The following ERCC4 variants were observed in gnomAD, a reference collection of about 807,000 sequenced individuals.
The protein encoded by ERCC4 is ERCC excision repair 4, endonuclease catalytic subunit, also known as DNA repair endonuclease XPF.
Under a neutral mutation model 76.9 loss-of-function variants are expected in ERCC4, and 65 were observed. The observed-to-expected ratio is 0.84, with a 90% CI of 0.69 to 1.04. The LOEUF is 1.04. ERCC4 is among the 50% of genes least tolerant of loss of function. The pLI, the probability that ERCC4 is intolerant of heterozygous loss-of-function variation, is 0.00. For synonymous variants in ERCC4, 463 were observed against 410.1 expected (o/e 1.13, Z -1.56); for missense variants, 1,214 against 1,128.2 (o/e 1.08, Z -1.09).
At position 13,935,495 on chromosome 16, in the gene ERCC4, C is replaced by G. The variant is rs41552412; in HGVS notation, c.1563C>G (p.Ser521Arg). The G allele has an allele frequency of 1.2e-3, 2,006 of 1,614,058 alleles. 4 individuals carry two copies. The highest frequency in any genetic ancestry group is 3.0e-3 in the Admixed American group (179 of 60,014). Residue 521 changes from serine (S) to arginine (R), a missense_variant, in exon 8 of 11, where the codon AGC becomes AGG. Ser to Arg is a moderately radical substitution (Grantham distance 110). Coordinates refer to ENST00000311895, the MANE Select transcript of ERCC4 (RefSeq NM_005236.3). ...GATATCGTCGAGAAATAAGCAGTAG[C>G]CCAGAAAGCTGCCCGGAAGAAATTA... ...EEGYRREISSSPESCPEEIKH... is the reference protein window; with the variant it reads ...EEGYRREISSRPESCPEEIKH...
chr16:13,947,617 G>T lies in ERCC4; in HGVS notation c.2021G>T (p.Gly674Val). 1 of 1,614,098 alleles carries T rather than the reference G, an allele frequency of 6.2e-7. No individual in the cohort carries two copies. Among genetic ancestry groups the T allele is most frequent in the East Asian group, 2.2e-5 (1 of 44,884 alleles). ...ATTACTTACTTTTTCTCTGTAGGTG[G>T]CCAGGAACAGAATGGTACACAGCAA... Reference protein sequence around the residue: ...DVSTDTRKAGGQEQNGTQQSI... With the variant: ...DVSTDTRKAGVQEQNGTQQSI... The change falls in exon 11 of 11, where the codon GGC (glycine) becomes GTC (valine). Residue 674 changes from glycine (G) to valine (V), a missense_variant. Physicochemically the swap from Gly to Val is moderately radical, Grantham distance 109. Coordinates refer to ENST00000311895, the MANE Select transcript of ERCC4 (RefSeq NM_005236.3).
At chr16:13,936,085 T>A (rs1385706367) in intron 8 of ERCC4, among the ~76,000 whole-genome samples, 1 of 152,194 alleles carries the variant, frequency 6.6e-6, no homozygotes. Flanking sequence ...TTAATATAAC[T>A]GTGACTCGGC....
intron 3 of ERCC4, among the ~76,000 whole-genome samples, chr16:13,927,248 T>C (rs1463478201): frequency 6.6e-6 from 1 of 152,250 alleles, no homozygotes; most frequent in Admixed American, 6.5e-5. Flanking sequence ...ATTTTGGTTA[T>C]AATATATGTT....
rs1258096180 is a variant in ERCC4, at chr16:13,935,330, CA to C, written c.1402del (p.Arg468AspfsTer25). On this transcript the variant is annotated frameshift_variant, in exon 8 of 11. Transcript: ENST00000311895. LOFTEE classifies it high-confidence loss of function. The stretch of plus-strand genomic sequence containing the variant: ...GTTCAAAGAGAATTAGGAAATCTCA[CA>C]AAAGACCTAAAGACCCCCAAAACAA... ...DSSKRIRKSH[K>X]RPKDPQNKER... The C allele has an allele frequency of 6.2e-7, 1 of 1,613,298 alleles. No individual in the cohort carries two copies. Among genetic ancestry groups the C allele is most frequent in the African/African-American group, 1.3e-5 (1 of 74,768 alleles).
intron 1 of ERCC4, among the ~76,000 whole-genome samples, chr16:13,920,855 C>G (rs1301973341): frequency 6.6e-6 from 1 of 151,208 alleles, no homozygotes; most frequent in East Asian, 2.0e-4. Context: ...GAAGGGGTCC[C>G]GAGAAGGATG....
At chr16:13,941,435 C>T (rs1477181077) in intron 9 of ERCC4, among the ~76,000 whole-genome samples, 2 of 152,038 alleles carry the variant, frequency 1.3e-5, no homozygotes, top group Non-Finnish European at 2.9e-5. Context: ...GTGCATTGTT[C>T]AAAAAACATT....
At position 13,928,197 on chromosome 16, in the gene ERCC4, T is replaced by A. The variant is rs760444530; in HGVS notation, c.754T>A (p.Leu252Ile). Residue 252 changes from leucine to isoleucine, a missense_variant, in exon 4 of 11, where the codon TTA (leucine) becomes ATA (isoleucine). Physicochemically the swap from Leu to Ile is conservative, Grantham distance 5. Transcript: ENST00000311895. ...TAACCCATCGCTTGAAGTGGAAGAT[T>A]TATCTTTAGAAAATGCTATTGGAAA... ...CHNPSLEVED[L>I]SLENAIGKPF... The A allele has an allele frequency of 6.2e-7, 1 of 1,613,692 alleles. No individual in the cohort carries two copies. The highest frequency in any genetic ancestry group is 8.5e-7 in the Non-Finnish European group (1 of 1,179,770).
At position 13,930,860 on chromosome 16, in the gene ERCC4, G is replaced by A. The variant is rs762885572; in HGVS notation, c.943G>A (p.Ala315Thr). ...TFLNLLESLR[A>T]TEKAFGQNSG... ...TCTTAATCTTCTGGAATCTCTGAGAGCAACGGAAAAAGCTTTTGGTCAGAA... is the reference window on the plus strand; with the variant it reads ...TCTTAATCTTCTGGAATCTCTGAGAACAACGGAAAAAGCTTTTGGTCAGAA... Residue 315 changes from alanine (A) to threonine (T), a missense_variant, in exon 5 of 11, where the codon GCA becomes ACA. Coordinates refer to ENST00000311895, the MANE Select transcript of ERCC4 (RefSeq NM_005236.3). 1 of 1,613,428 alleles carries A rather than the reference G, an allele frequency of 6.2e-7. No individual in the cohort carries two copies. The highest frequency in any genetic ancestry group is 8.5e-7 in the Non-Finnish European group (1 of 1,179,422).
At chr16:13,947,339 G>A (rs1417269584) in intron 10 of ERCC4, among the ~76,000 whole-genome samples, 1 of 152,198 alleles carries the variant, frequency 6.6e-6, no homozygotes, top group Non-Finnish European at 1.5e-5. Context: ...ACTACAGAGG[G>A]GAGACCTTAG....
At position 13,929,758 on chromosome 16, in the gene ERCC4, G is replaced by A. The variant is rs535105001; in HGVS notation, c.793-952G>A. ...AGGCGGGCAGATCATGAGGTCAGGA[G>A]ATCGAGACCATCCTGGCTAACACGG... On this transcript the variant is annotated intron_variant, in intron 4 of 10. Coordinates refer to ENST00000311895, the MANE Select transcript of ERCC4 (RefSeq NM_005236.3). 1.4e-3 allele frequency among the ~76,000 whole-genome samples: 210 copies of A among 152,290 alleles called. 3 individuals carry two copies. The highest frequency in any genetic ancestry group is 4.8e-3 in the African/African-American group (201 of 41,568).
chr16:13,926,854 A>G (rs1431675904), intron 3 of ERCC4, 98 bp downstream of exon 3: 6 of 977,930 alleles, frequency 6.1e-6, no homozygotes, highest in Non-Finnish European at 9.7e-6. Context: ...AATATAATGT[A>G]AAATTCATTG....
chr16:13,921,840 C>T (rs561657192), intron 1 of ERCC4, among the ~76,000 whole-genome samples, 191 bp from the exon 2 acceptor site: 1 of 152,232 alleles, frequency 6.6e-6, no homozygotes, highest in South Asian at 2.1e-4. Context: ...TTAGTGTAAA[C>T]CCCAAAACAA....
At chr16:13,926,214 C>G (rs528753371) in intron 2 of ERCC4, among the ~76,000 whole-genome samples, 12 of 152,336 alleles carry the variant, frequency 7.9e-5, no homozygotes, top group Non-Finnish European at 1.6e-4. Context: ...TCACTGTCCC[C>G]TCAGCCTGGC....
chr16:13,922,028 TAGG>T lies in ERCC4; in HGVS notation c.208_210del (p.Glu70del). On this transcript the variant is annotated splice_acceptor_variant and coding_sequence_variant, in exon 2 of 11. Coordinates refer to ENST00000311895, the MANE Select transcript of ERCC4 (RefSeq NM_005236.3). LOFTEE classifies it high-confidence loss of function. ...CCTACTAATCAAGTTTGATTTGATT[TAGG>T]AGTATTTTATCAATCAGCTGAAGAT... is the stretch of plus-strand genomic sequence containing the variant. The T allele has an allele frequency of 2.5e-6, 4 of 1,610,634 alleles. No homozygotes were observed. Among genetic ancestry groups the T allele is most frequent in the Non-Finnish European group, 3.4e-6 (4 of 1,176,934 alleles).
rs31869 is a variant in ERCC4 at position 13,937,663 on chromosome 16, G to A, written c.1812-103G>A. 1 allele frequency: 758,311 copies of A among 759,522 alleles called. 378,577 individuals are homozygous for A. Among genetic ancestry groups the A allele is most frequent in the Middle Eastern group, 1 (3,108 of 3,108 alleles). 47.0% of individuals were successfully genotyped at this position (759,522 alleles called of 1,614,324 possible). A position where few individuals can be genotyped will look rare whatever the true frequency, so the allele number is the denominator to read the frequency against. On this transcript the variant is annotated intron_variant, in intron 8 of 10. Transcript: ENST00000311895. ...ACCTTTGATTCTTAGTCAAATATTT[G>A]TTATTTGAGCGCTCTAGGTTGCTGA...
At chr16:13,926,387 AT>A (rs3136090) in intron 2 of ERCC4, among the ~76,000 whole-genome samples, 173 bp from the exon 3 acceptor site, 4,316 of 152,202 alleles carry the variant, frequency 0.028, 205 homozygotes, top group African/African-American at 0.099. Context: ...ACGTATTTAT[AT>A]TGTTTATAGT....
chr16:13,922,002 G>T, intron 1 of ERCC4, 29 bp from the exon 2 acceptor site: 1 of 1,543,216 alleles, frequency 6.5e-7, no homozygotes, highest in East Asian at 2.3e-5. Context: ...GTATTAAATA[G>T]CCTACTAATC....
Position 13,949,853 on chromosome 16 carries a change from A to G in ERCC4, c.*1506A>G, listed in dbSNP as rs2032597938. 8.6e-6 allele frequency: 2 copies of G among 232,624 alleles called. No individual in the cohort carries two copies. Among genetic ancestry groups the G allele is most frequent in the Non-Finnish European group, 8.5e-6 (1 of 117,774 alleles). The allele number at this position is 232,624 out of a possible 1,614,324, so 14.4% of individuals were successfully genotyped here. On this transcript the variant is annotated 3_prime_UTR_variant, in exon 11 of 11. Transcript: ENST00000311895. Reference sequence around the variant, plus strand: ...ACATCAGTTCTGCTAGCCATATCACATATTTTAATGTTTCATCAACATCAG... The same window carrying G: ...ACATCAGTTCTGCTAGCCATATCACGTATTTTAATGTTTCATCAACATCAG...
At chr16:13,931,768 CTG>C (rs1253824743) in intron 5 of ERCC4, 2 of 189,262 alleles carry the variant, frequency 1.1e-5, no homozygotes, top group Non-Finnish European at 2.2e-5. Flanking sequence ...ACCAAAGAAG[CTG>C]TGTTTTAAAT....
Sources: gnomAD v4.1 joint callset for allele counts (sites outside exome capture counted in the v4.1 genomes callset) on GRCh38, gnomAD v4.1.1 for gene constraint, MANE v1.5 for transcripts, NCBI Gene and HGNC (gene_info 2026-07-23, HGNC 2026-07-21) for gene names.